CSMD1: variants seen among roughly 807,000 people sequenced by gnomAD.
CSMD1 encodes the protein CUB and sushi domain-containing protein 1.
CSMD1 carries 213 observed loss-of-function variants against 417.5 expected under a neutral mutation model. The observed-to-expected ratio is 0.51, with a 90% CI of 0.46 to 0.57. The LOEUF (loss-of-function observed/expected upper bound fraction) is 0.57, where lower values mean the gene tolerates loss of function less well. Among genes scored for constraint, CSMD1 ranks in the 20% least tolerant of loss-of-function variants. The pLI, the probability that CSMD1 is intolerant of heterozygous loss-of-function variation, is 0.00. For missense variants in CSMD1, 6,923 were observed against 4,529.7 expected (o/e 1.53, Z -15.17); for synonymous variants, 2,862 against 1,736.8 (o/e 1.65, Z -16.11).
At chr8:4,596,799 T>C (rs1267277756) in intron 2 of CSMD1, among the ~76,000 whole-genome samples, 1 of 152,194 alleles carries the variant, frequency 6.6e-6, no homozygotes, top group Non-Finnish European at 1.5e-5. Flanking sequence ...GAATTCTATC[T>C]ACCAGAATAC....
chr8:4,169,652 G>A (rs116260138), intron 3 of CSMD1, among the ~76,000 whole-genome samples: 1 of 152,102 alleles, frequency 6.6e-6, no homozygotes, highest in Non-Finnish European at 1.5e-5. Context: ...GGGACGCCAT[G>A]AGAGCCAACG....
chr8:4,172,073 C>T (rs1238264165), intron 3 of CSMD1, among the ~76,000 whole-genome samples: 1 of 151,994 alleles, frequency 6.6e-6, no homozygotes, highest in Non-Finnish European at 1.5e-5. Flanking sequence ...ATCTCTTTCT[C>T]AGGGGAAGGC....
chr8:3,955,268 G>A (rs907212537), intron 5 of CSMD1, among the ~76,000 whole-genome samples: 1 of 152,100 alleles, frequency 6.6e-6, no homozygotes, highest in Non-Finnish European at 1.5e-5. Flanking sequence ...CAACCAACAT[G>A]CAAAAGAGGC....
intron 3 of CSMD1, among the ~76,000 whole-genome samples, chr8:4,109,884 C>T (rs550314958): frequency 2.6e-5 from 4 of 152,196 alleles, no homozygotes; most frequent in South Asian, 2.1e-4. Flanking sequence ...TGCTTTTTCT[C>T]ATAATAAAGT....
chr8:4,108,112 G>A (rs539265380), intron 3 of CSMD1, among the ~76,000 whole-genome samples: 2 of 151,884 alleles, frequency 1.3e-5, no homozygotes, highest in South Asian at 4.2e-4. Flanking sequence ...AAAGACGGAG[G>A]AGGAGGAGGA....
At chr8:3,948,400 G>C (rs1251159480) in intron 5 of CSMD1, among the ~76,000 whole-genome samples, 1 of 151,978 alleles carries the variant, frequency 6.6e-6, no homozygotes, top group South Asian at 2.1e-4. Context: ...GGAGAGGGAG[G>C]GAGAACAAGA....
intron 10 of CSMD1, among the ~76,000 whole-genome samples, chr8:3,497,857 C>A (rs926550534): frequency 6.6e-6 from 1 of 152,126 alleles, no homozygotes; most frequent in Non-Finnish European, 1.5e-5. Context: ...TATGGTTTTA[C>A]TTCTTTCTCA....
At chr8:4,388,405 G>A (rs1205492198) in intron 3 of CSMD1, among the ~76,000 whole-genome samples, 1 of 151,938 alleles carries the variant, frequency 6.6e-6, no homozygotes, top group Non-Finnish European at 1.5e-5. Context: ...CATTTGCAGA[G>A]ACCTGGATGA....
chr8:3,059,771 G>C (rs1355149010), intron 49 of CSMD1, among the ~76,000 whole-genome samples: 1 of 152,150 alleles, frequency 6.6e-6, no homozygotes, highest in Non-Finnish European at 1.5e-5. Flanking sequence ...GACCCACTGA[G>C]TAGCTGGGAC....
At chr8:3,165,698 G>A (rs1317268787) in intron 37 of CSMD1, among the ~76,000 whole-genome samples, 2 of 152,120 alleles carry the variant, frequency 1.3e-5, no homozygotes, top group Non-Finnish European at 1.5e-5. Flanking sequence ...TCCCCAAAGT[G>A]CTGGGAGAAC....
chr8:4,216,370 G>A (rs980362973), intron 3 of CSMD1, among the ~76,000 whole-genome samples: 8 of 152,090 alleles, frequency 5.3e-5, no homozygotes, highest in South Asian at 2.1e-4. Context: ...TTAACATGGT[G>A]CACACACCAT....
intron 26 of CSMD1, among the ~76,000 whole-genome samples, chr8:3,244,303 G>A (rs1799735670): frequency 6.6e-6 from 1 of 152,142 alleles, no homozygotes; most frequent in Non-Finnish European, 1.5e-5. Context: ...GTTCACTGGA[G>A]TCAGGCTGCG....
intron 11 of CSMD1, among the ~76,000 whole-genome samples, chr8:3,476,933 T>C (rs67086252): frequency 7.0e-6 from 1 of 143,140 alleles, no homozygotes; most frequent in Non-Finnish European, 1.5e-5. Context: ...AAAAAAAAAA[T>C]GTGAATCAGT....
intron 3 of CSMD1, among the ~76,000 whole-genome samples, chr8:4,404,664 C>G (rs543936852): frequency 3.3e-5 from 5 of 151,964 alleles, no homozygotes; most frequent in African/African-American, 1.2e-4. Flanking sequence ...TAATATTTAT[C>G]TTACACTATA....
intron 1 of CSMD1, among the ~76,000 whole-genome samples, chr8:4,751,486 G>A (rs1003722367): frequency 2.0e-5 from 3 of 152,120 alleles, no homozygotes; most frequent in East Asian, 3.9e-4. Flanking sequence ...AAAGTGTCCT[G>A]GATTTTGTGG....
chr8:3,638,467 A>G (rs1346182652), intron 7 of CSMD1, among the ~76,000 whole-genome samples: 1 of 152,160 alleles, frequency 6.6e-6, no homozygotes, highest in Non-Finnish European at 1.5e-5. Context: ...TGCCTCTGAA[A>G]TTCTGAAACC....
chr8:4,119,084 C>T (rs1802326733), intron 3 of CSMD1, among the ~76,000 whole-genome samples: 1 of 151,800 alleles, frequency 6.6e-6, no homozygotes, highest in Non-Finnish European at 1.5e-5. Flanking sequence ...CACACAGGGA[C>T]CTGTCAGTGG....
At chr8:4,398,362 C>CT (rs1804400200) in intron 3 of CSMD1, among the ~76,000 whole-genome samples, 1 of 136,808 alleles carries the variant, frequency 7.3e-6, no homozygotes, top group African/African-American at 2.7e-5. Flanking sequence ...TAATTATCCT[C>CT]TTTTTAAATT....
intron 5 of CSMD1, among the ~76,000 whole-genome samples, chr8:3,851,815 G>T (rs929836526): frequency 1.3e-5 from 2 of 152,176 alleles, no homozygotes; most frequent in South Asian, 4.1e-4. Context: ...TGGTTCTAAG[G>T]ATGAGAGACT....
Sources: allele counts gnomAD v4.1 joint callset (sites outside exome capture counted in the v4.1 genomes callset), GRCh38; gene constraint gnomAD v4.1.1; transcripts MANE v1.5; gene names NCBI Gene and HGNC (gene_info 2026-07-23, HGNC 2026-07-21).